The following SGSM1 variants were observed in gnomAD, a reference collection of about 807,000 sequenced individuals.
SGSM1 encodes small G protein signaling modulator 1, also known as RUN and TBC1 domain containing 2.
In SGSM1, 73 loss-of-function variants were observed where a neutral mutation model predicts 133.8. That is an observed-to-expected ratio of 0.55 (90% CI 0.45 to 0.66). The LOEUF (loss-of-function observed/expected upper bound fraction) is 0.66, where lower values mean the gene tolerates loss of function less well. SGSM1 is among the 30% of genes least tolerant of loss of function. The probability of loss-of-function intolerance (pLI) is 0.00; values close to 1 mark genes in which losing one functional copy is unlikely to be tolerated. For synonymous variants in SGSM1, 563 were observed against 573.0 expected (o/e 0.98, Z 0.25); for missense variants, 1,213 against 1,448.1 (o/e 0.84, Z 2.64).
At position 24,819,335 on chromosome 22, in the gene SGSM1, A is replaced by G. The variant is rs188839370; in HGVS notation, c.63+12851A>G. On this transcript the variant is annotated intron_variant, in intron 2 of 24. Transcript: ENST00000400358. ...TCCTCAGTCACACTAGCCATATTTC[A>G]AGCGCCCAGTAGCCACGTTTGGCTG... 4.9e-4 allele frequency among the ~76,000 whole-genome samples: 74 copies of G among 152,288 alleles called. 2 individuals are homozygous for G. The East Asian group carries it at 0.014, about 28-fold the overall frequency.
In SGSM1 at chr22:24,898,297, A is replaced by T. The variant is rs751570163; in HGVS notation, c.2348A>T (p.Glu783Val). Reference protein sequence around the residue: ...REELAVQDSLESDLLANESMD... With the variant: ...REELAVQDSLVSDLLANESMD... ...GAGCTGGCCGTGCAGGACAGCCTGG[A>T]GAGTGACCTCCTGGCCAACGAGAGC... Residue 783 changes from glutamate to valine, a missense_variant, in exon 19 of 25, where the codon GAG becomes GTG. By Grantham distance (121) the Glu-to-Val change is moderately radical (BLOSUM62 -2). Coordinates refer to ENST00000400358, the MANE Select transcript of SGSM1 (RefSeq NM_001098497.3). The T allele has an allele frequency of 1.1e-5, 17 of 1,613,964 alleles. No individual in the cohort carries two copies. Among genetic ancestry groups the T allele is most frequent in the Non-Finnish European group, 1.4e-5 (17 of 1,179,868 alleles).
chr22:24,823,339 G>A (rs144312742), intron 2 of SGSM1, among the ~76,000 whole-genome samples: 3,666 of 152,138 alleles, frequency 0.024, 138 homozygotes, highest in African/African-American at 0.08. Flanking sequence ...GCGGTGGCTC[G>A]CACCTGTAAT....
intron 2 of SGSM1, among the ~76,000 whole-genome samples, chr22:24,822,183 C>G (rs1403769980): frequency 6.6e-6 from 1 of 151,096 alleles, no homozygotes; most frequent in Non-Finnish European, 1.5e-5. Flanking sequence ...CTCCGCCTCC[C>G]AGGTTCACGC....
At chr22:24,811,122 A>G (rs1927711253) in intron 2 of SGSM1, among the ~76,000 whole-genome samples, 1 of 152,138 alleles carries the variant, frequency 6.6e-6, no homozygotes, top group Non-Finnish European at 1.5e-5. Flanking sequence ...CAATGTCTGG[A>G]AACATTTTTG....
chr22:24,923,759 A>G (rs545796432), intron 24 of SGSM1, among the ~76,000 whole-genome samples: 33 of 152,152 alleles, frequency 2.2e-4, no homozygotes, highest in African/African-American at 7.0e-4. Context: ...AGTAGCTGGG[A>G]TTACAGGCAT....
chr22:24,921,709 T>C (rs1240443959), intron 24 of SGSM1, among the ~76,000 whole-genome samples: 1 of 152,000 alleles, frequency 6.6e-6, no homozygotes, highest in Non-Finnish European at 1.5e-5. Context: ...GTATCTTTTT[T>C]TTTTTTTGAG....
In SGSM1 at chr22:24,898,896, A is replaced by G. The variant is rs780509285; in HGVS notation, c.2610+337A>G. ...CAAAAAATTAGCCGGGCGTGGTGGCAGGCACCTGTAGTACCAGCTACTTGG... is the reference window on the plus strand; with the variant it reads ...CAAAAAATTAGCCGGGCGTGGTGGCGGGCACCTGTAGTACCAGCTACTTGG... On this transcript the variant is annotated intron_variant, in intron 19 of 24. Coordinates refer to ENST00000400358, the MANE Select transcript of SGSM1 (RefSeq NM_001098497.3). Among the ~76,000 whole-genome samples the G allele has an allele frequency of 8.6e-5, 13 of 151,952 alleles. No homozygotes were observed. The South Asian group carries it at 2.7e-3, about 32-fold the overall frequency.
intron 2 of SGSM1, among the ~76,000 whole-genome samples, chr22:24,809,436 G>A (rs1309294333): frequency 6.6e-6 from 1 of 152,198 alleles, no homozygotes; most frequent in Non-Finnish European, 1.5e-5. Context: ...TCTAGAAGGA[G>A]TGCCTTAACA....
At chr22:24,860,504 TA>T (rs1931060287) in intron 9 of SGSM1, among the ~76,000 whole-genome samples, 2 of 152,204 alleles carry the variant, frequency 1.3e-5, no homozygotes, top group South Asian at 4.1e-4. Context: ...ATTGCTTTCC[TA>T]AAAAAACTTT....
intron 2 of SGSM1, among the ~76,000 whole-genome samples, chr22:24,811,793 C>A (rs571849825): frequency 2.0e-3 from 302 of 149,670 alleles, no homozygotes; most frequent in African/African-American, 7.0e-3. Context: ...CCCTTGAGCC[C>A]AGGAAGTTGA....
intron 24 of SGSM1, among the ~76,000 whole-genome samples, chr22:24,923,940 C>T (rs1934101707): frequency 6.6e-6 from 1 of 152,074 alleles, no homozygotes; most frequent in African/African-American, 2.4e-5. Flanking sequence ...CTTTTTATGG[C>T]ACATCCTGTG....
Position 24,924,328 on chromosome 22 carries a change from C to A in SGSM1, c.*54C>A. The A allele has an allele frequency of 6.6e-7, 1 of 1,521,980 alleles. No homozygotes were observed. Among genetic ancestry groups the A allele is most frequent in the Non-Finnish European group, 9.1e-7 (1 of 1,100,022 alleles). 94.3% of individuals were successfully genotyped at this position (1,521,980 alleles called of 1,614,324 possible). On this transcript the variant is annotated 3_prime_UTR_variant, in exon 25 of 25. Coordinates refer to ENST00000400358, the MANE Select transcript of SGSM1 (RefSeq NM_001098497.3). The stretch of plus-strand genomic sequence containing the variant: ...AAGCTGCCCCTGCCCCGCTCCTCTG[C>A]TTACTTTTCCTCCTGGCTGGATGGG...
At chr22:24,903,439 G>A (rs1933238295) in intron 20 of SGSM1, among the ~76,000 whole-genome samples, 1 of 151,926 alleles carries the variant, frequency 6.6e-6, no homozygotes, top group Admixed American at 6.5e-5. Context: ...GAACTCCTGA[G>A]CTCAGGCAAT....
Position 24,868,553 on chromosome 22 carries a change from G to A in SGSM1, c.1158+14G>A, listed in dbSNP as rs200708102. On this transcript the variant is annotated intron_variant, in intron 11 of 24. Transcript: ENST00000400358. ...CAGAGGGGTAAGGTGAGTGATCATCGGGACCCAGGGAGGCTGGGGTGGAGG... is the reference window on the plus strand; with the variant it reads ...CAGAGGGGTAAGGTGAGTGATCATCAGGACCCAGGGAGGCTGGGGTGGAGG... 9.9e-6 allele frequency: 16 copies of A among 1,613,616 alleles called. No homozygotes were observed. Among genetic ancestry groups the A allele is most frequent in the East Asian group, 2.2e-5 (1 of 44,878 alleles).
At chr22:24,830,042 G>A (rs938817571) in intron 2 of SGSM1, among the ~76,000 whole-genome samples, 2 of 121,094 alleles carry the variant, frequency 1.7e-5, no homozygotes, top group Admixed American at 1.9e-4. Context: ...TGTGCCCCGG[G>A]ATGGGTTCGG....
chr22:24,859,876 C>T (rs199637795), intron 9 of SGSM1, 36 bp downstream of exon 9: 1 of 1,610,314 alleles, frequency 6.2e-7, no homozygotes, highest in Non-Finnish European at 8.5e-7. Flanking sequence ...CCCTTGGGTC[C>T]CTCCACTCGC....
At chr22:24,890,563 T>C (rs2123687784) in intron 16 of SGSM1, among the ~76,000 whole-genome samples, 1 of 151,996 alleles carries the variant, frequency 6.6e-6, no homozygotes, top group South Asian at 2.1e-4. Context: ...TTTTTTGAGG[T>C]GGAGTCTCGC....
At chr22:24,808,773 C>T (rs7288853) in intron 2 of SGSM1, among the ~76,000 whole-genome samples, 18,414 of 152,170 alleles carry the variant, frequency 0.12, 3,510 homozygotes, top group African/African-American at 0.4. Flanking sequence ...TCAGTGTCCT[C>T]TAAGGTCTGA....
intron 18 of SGSM1, among the ~76,000 whole-genome samples, chr22:24,896,040 C>A (rs1932906589): frequency 6.6e-6 from 1 of 152,092 alleles, no homozygotes; most frequent in Admixed American, 6.6e-5. Flanking sequence ...CAGAGTGAAA[C>A]CCTGTCTCAC....
Sources: gnomAD v4.1 joint callset for allele counts (sites outside exome capture counted in the v4.1 genomes callset) on GRCh38, gnomAD v4.1.1 for gene constraint, MANE v1.5 for transcripts, NCBI Gene and HGNC (gene_info 2026-07-23, HGNC 2026-07-21) for gene names.